The following DDX42 variants were observed in gnomAD, a reference collection of about 807,000 sequenced individuals.
The protein encoded by DDX42 is DEAD-box helicase 42.
In DDX42, 22 loss-of-function variants were observed where a neutral mutation model predicts 101.5. That is an observed-to-expected ratio of 0.22 (90% confidence interval 0.15 to 0.31). The LOEUF is 0.31. Among genes scored for constraint, DDX42 ranks in the 10% least tolerant of loss-of-function variants. The pLI, the probability that DDX42 is intolerant of heterozygous loss-of-function variation, is 1.00. For synonymous variants in DDX42, 402 were observed against 401.2 expected, an observed-to-expected ratio of 1.00 and a Z score of -0.02; for missense variants, 849 against 1,199.9, an observed-to-expected ratio of 0.71 and a Z score of 4.32.
intron 3 of DDX42, among the ~76,000 whole-genome samples, chr17:63,793,890 C>T (rs1482034494): frequency 6.8e-6 from 1 of 146,562 alleles, no homozygotes; most frequent in Non-Finnish European, 1.5e-5. Flanking sequence ...AATTTTTTAA[C>T]TGATAACAAA....
At chr17:63,803,350 AG>A (rs1260650639) in intron 6 of DDX42, among the ~76,000 whole-genome samples, 1 of 151,990 alleles carries the variant, frequency 6.6e-6, no homozygotes, top group African/African-American at 2.4e-5. Context: ...GCACTTTGGG[AG>A]GCCAAGGTGG....
At chr17:63,776,633 C>CT (rs773294172) in intron 1 of DDX42, among the ~76,000 whole-genome samples, 44,396 of 139,776 alleles carry the variant, frequency 0.32, 7,538 homozygotes, top group South Asian at 0.55. Context: ...ATAGTCTCAT[C>CT]TTTTTTTTTT....
At chr17:63,782,840 C>T (rs1305932515) in intron 1 of DDX42, among the ~76,000 whole-genome samples, 1 of 152,168 alleles carries the variant, frequency 6.6e-6, no homozygotes, top group Non-Finnish European at 1.5e-5. Flanking sequence ...TTCTTTGTAG[C>T]TGGCAGAATA....
intron 7 of DDX42, chr17:63,805,420 G>C (rs2039827146): frequency 7.5e-6 from 3 of 397,702 alleles, no homozygotes; most frequent in Non-Finnish European, 4.4e-6. Flanking sequence ...TATGTTCTGT[G>C]CTGGATGGGC....
At chr17:63,816,419 T>C (rs1473837174) in intron 16 of DDX42, among the ~76,000 whole-genome samples, 1 of 152,212 alleles carries the variant, frequency 6.6e-6, no homozygotes, top group Non-Finnish European at 1.5e-5. Flanking sequence ...ATCTTCAAAA[T>C]AACTGAATGG....
At chr17:63,817,410 T>C in intron 17 of DDX42, 1 of 352,140 alleles carries the variant, frequency 2.8e-6, no homozygotes, top group Non-Finnish European at 5.1e-6. Context: ...CTTTTTGGTT[T>C]TGAATGCAGA....
rs1339553455 is a variant in DDX42, at chr17:63,810,525, G to A, written c.1265G>A (p.Arg422Gln). The A allele has an allele frequency of 1.2e-6, 2 of 1,613,922 alleles. No individual in the cohort carries two copies. Among genetic ancestry groups the A allele is most frequent in the Non-Finnish European group, 1.7e-6 (2 of 1,179,964 alleles). Residue 422 changes from arginine (R) to glutamine (Q), a missense_variant, in exon 12 of 18, where the codon CGA (arginine) becomes CAA (glutamine). This residue lies in a region of DDX42 where 370 missense variants were observed against 608.8 expected (regional missense o/e 0.61). Transcript: ENST00000389924. ...CTGTTTCTTGCAGAGTACCAAGTTC[G>A]ATCCATAGCAAGTCATGTTCGTCCT... ...MFDMGFEYQV[R>Q]SIASHVRPDR...
intron 3 of DDX42, among the ~76,000 whole-genome samples, chr17:63,793,972 C>G (rs1247383460): frequency 6.6e-6 from 1 of 151,862 alleles, no homozygotes; most frequent in Non-Finnish European, 1.5e-5. Context: ...ACCTGGAACT[C>G]AAATCTAATT....
chr17:63,789,372 C>G (rs1336250022), intron 2 of DDX42, among the ~76,000 whole-genome samples: 1 of 152,050 alleles, frequency 6.6e-6, no homozygotes, highest in Non-Finnish European at 1.5e-5. Flanking sequence ...AGCCACCATG[C>G]CTGGCCAATT....
At chr17:63,817,361 T>C in intron 17 of DDX42, 1 of 329,480 alleles carries the variant, frequency 3.0e-6, no homozygotes, top group Non-Finnish European at 5.6e-6. Context: ...GCTGTCAAAC[T>C]TAAATTGCAG....
At chr17:63,810,378 A>G (rs1447420856) in intron 11 of DDX42, 135 bp from the exon 12 acceptor site, 1 of 800,346 alleles carries the variant, frequency 1.2e-6, no homozygotes, top group East Asian at 2.9e-5. Context: ...GGCATGAGCC[A>G]CTGTGCCTGG....
intron 2 of DDX42, 82 bp from the exon 3 acceptor site, chr17:63,792,330 C>G: frequency 1.4e-6 from 2 of 1,439,764 alleles, no homozygotes; most frequent in South Asian, 1.3e-5. Flanking sequence ...TAAGATATAC[C>G]ATAATAAAAA....
chr17:63,817,667 TA>T (rs1295967706), intron 17 of DDX42, 26 bp from the exon 18 acceptor site: 1 of 1,602,744 alleles, frequency 6.2e-7, no homozygotes, highest in South Asian at 1.1e-5. Flanking sequence ...CTATCTTACC[TA>T]CTCCTGATGT....
rs555863712 is a variant in DDX42 at position 63,798,143 on chromosome 17, C to T, written c.434+44C>T. 1.9e-6 allele frequency: 3 copies of T among 1,583,592 alleles called. No homozygotes were observed. The South Asian group carries it at 3.4e-5, about 18-fold the overall frequency. ...CCTCACAAAGGTTACGTGAAAACTGCTGAAGTATTGCAAAGTCTATTCCCC... is the reference window on the plus strand; with the variant it reads ...CCTCACAAAGGTTACGTGAAAACTGTTGAAGTATTGCAAAGTCTATTCCCC... On this transcript the variant is annotated intron_variant, in intron 4 of 17. Transcript: ENST00000389924.
At chr17:63,793,976 T>C (rs1479283606) in intron 3 of DDX42, among the ~76,000 whole-genome samples, 1 of 151,936 alleles carries the variant, frequency 6.6e-6, no homozygotes, top group East Asian at 1.9e-4. Context: ...GGAACTCAAA[T>C]CTAATTTCGC....
At chr17:63,789,556 TTTGTTTTTGTTTTTG>T (rs1567733011) in intron 2 of DDX42, among the ~76,000 whole-genome samples, 979 of 26,964 alleles carry the variant, frequency 0.036, 96 homozygotes, top group African/African-American at 0.23. Context: ...CTTTTTTGTT[TTTGTTTTTGTTTTTG>T]TTTTTTTTTT....
At chr17:63,806,995 C>T (rs1214414623) in intron 8 of DDX42, among the ~76,000 whole-genome samples, 2 of 152,126 alleles carry the variant, frequency 1.3e-5, no homozygotes, top group African/African-American at 2.4e-5. Flanking sequence ...TTCTTTTTCC[C>T]ATTTATATAT....
At chr17:63,816,253 C>G (rs2144592741) in intron 16 of DDX42, among the ~76,000 whole-genome samples, 1 of 152,296 alleles carries the variant, frequency 6.6e-6, no homozygotes, top group Middle Eastern at 3.4e-3. Flanking sequence ...TGCCAGTATA[C>G]TTTTCTGGAG....
chr17:63,799,869 A>T (rs1598333927), intron 5 of DDX42, among the ~76,000 whole-genome samples: 1 of 152,324 alleles, frequency 6.6e-6, no homozygotes, highest in East Asian at 1.9e-4. Flanking sequence ...AGCTTTATTC[A>T]GCTTGCTTCT....
Sources: gnomAD v4.1 joint callset for allele counts (sites outside exome capture counted in the v4.1 genomes callset) on GRCh38, gnomAD v4.1.1 for gene constraint, gnomAD v4.1.1 regional missense constraint, MANE v1.5 for transcripts, NCBI Gene and HGNC (gene_info 2026-07-23, HGNC 2026-07-21) for gene names.